The following ARFGEF1 variants were observed in gnomAD, a reference collection of about 807,000 sequenced individuals.
The protein encoded by ARFGEF1 is ARF guanine nucleotide exchange factor 1.
Under a neutral mutation model 231.0 loss-of-function variants are expected in ARFGEF1, and 42 were observed. The observed-to-expected ratio is 0.18, with a 90% CI of 0.14 to 0.24. The LOEUF (loss-of-function observed/expected upper bound fraction) is 0.24, where lower values mean the gene tolerates loss of function less well. Ranked by LOEUF, ARFGEF1 falls within the 10% of genes least tolerant of loss-of-function variation. ARFGEF1 has a pLI of 1.00. For missense variants in ARFGEF1, 1,345 were observed against 2,192.0 expected (o/e 0.61, Z 7.72); for synonymous variants, 710 against 732.3 (o/e 0.97, Z 0.49).
chr8:67,184,947 A>C (rs1197725567), intron 5 of ARFGEF1, among the ~76,000 whole-genome samples: 1 of 123,342 alleles, frequency 8.1e-6, no homozygotes, highest in Non-Finnish European at 1.6e-5. Flanking sequence ...AAAATACAAA[A>C]AAAAAAAAAA....
At chr8:67,277,551 G>A in intron 7 of ARFGEF1, 94 bp from the exon 8 acceptor site, 10 of 1,194,612 alleles carry the variant, frequency 8.4e-6, no homozygotes, top group Non-Finnish European at 1.2e-5. Context: ...ACAGTGGCAG[G>A]AAAGCAATGT....
At chr8:67,269,461 T>G (rs1220451110) in intron 10 of ARFGEF1, among the ~76,000 whole-genome samples, 2 of 151,538 alleles carry the variant, frequency 1.3e-5, no homozygotes, top group Non-Finnish European at 2.9e-5. Context: ...CAAGCGATTG[T>G]CCTGCCTCTG....
At chr8:67,322,169 AC>A (rs759338379) in intron 1 of ARFGEF1, among the ~76,000 whole-genome samples, 37 of 151,732 alleles carry the variant, frequency 2.4e-4, no homozygotes, top group Admixed American at 1.2e-3. Context: ...CCCAACTAAA[AC>A]CCCTTTCAGT....
At chr8:67,317,984 T>A (rs1201670170) in intron 1 of ARFGEF1, among the ~76,000 whole-genome samples, 1 of 151,134 alleles carries the variant, frequency 6.6e-6, no homozygotes, top group African/African-American at 2.4e-5. Flanking sequence ...ACACCTGTAA[T>A]TCCAGCACTT....
rs567094878 is a variant in ARFGEF1, at chr8:67,263,927, T to C, written c.2123+2079A>G. Among the ~76,000 whole-genome samples the C allele has an allele frequency of 2.3e-4, 35 of 151,790 alleles. No homozygotes were observed. In the South Asian group the frequency reaches 3.7e-3, roughly 16 times the overall value. ...GAACAATTATATCTTTTATAAACAA[T>C]AAGAAAAAACATGCAAGAGAGGAAG... On this transcript the variant is annotated intron_variant, in intron 14 of 38. Coordinates refer to ENST00000262215, the MANE Select transcript of ARFGEF1 (RefSeq NM_006421.5).
At chr8:67,193,149 C>G (rs549510847), downstream of ARFGEF1, among the ~76,000 whole-genome samples, 1 of 152,118 alleles carries the variant, frequency 6.6e-6, no homozygotes, top group South Asian at 2.1e-4. Flanking sequence ...GAGATAGAGT[C>G]TCTGTCTCCC....
chr8:67,262,863 G>A (rs1804692624), intron 14 of ARFGEF1, among the ~76,000 whole-genome samples: 1 of 152,032 alleles, frequency 6.6e-6, no homozygotes. Flanking sequence ...ATAGACTATG[G>A]TACAGTATAA....
chr8:67,277,218 G>A, intron 8 of ARFGEF1, 64 bp downstream of exon 8: 1 of 1,507,064 alleles, frequency 6.6e-7, no homozygotes, highest in Non-Finnish European at 9.1e-7. Flanking sequence ...TGACAAGGTG[G>A]TGGTAGCCTA....
At chr8:67,225,153 A>T (rs932246723) in intron 28 of ARFGEF1, 120 bp from the exon 29 acceptor site, 208 of 957,248 alleles carry the variant, frequency 2.2e-4, no homozygotes, top group Non-Finnish European at 2.1e-4. Context: ...TTTAATAAAA[A>T]ATAATTTATA....
chr8:67,184,766 A>T (rs1834008392), intron 5 of ARFGEF1, among the ~76,000 whole-genome samples: 1 of 147,958 alleles, frequency 6.8e-6, no homozygotes, highest in Non-Finnish European at 1.5e-5. Flanking sequence ...AATAATAATA[A>T]TAAAGGTTGG....
intron 14 of ARFGEF1, among the ~76,000 whole-genome samples, chr8:67,265,789 C>A (rs999082120): frequency 2.0e-5 from 3 of 151,868 alleles, no homozygotes; most frequent in Non-Finnish European, 4.4e-5. Context: ...AATATGGTGA[C>A]AAATTAATTT....
At chr8:67,332,951 T>C (rs1808167570) in intron 1 of ARFGEF1, among the ~76,000 whole-genome samples, 1 of 152,212 alleles carries the variant, frequency 6.6e-6, no homozygotes. Context: ...CAATGAAGTA[T>C]TTAATTGGCA....
Position 67,293,572 on chromosome 8 carries a change from A to G in ARFGEF1, c.640-1449T>C, listed in dbSNP as rs146314892. 5.3e-5 allele frequency among the ~76,000 whole-genome samples: 8 copies of G among 152,314 alleles called. No homozygotes were observed. In the East Asian group the frequency reaches 9.6e-4, roughly 18 times the overall value. On this transcript the variant is annotated intron_variant, in intron 5 of 38. Coordinates refer to ENST00000262215, the MANE Select transcript of ARFGEF1 (RefSeq NM_006421.5). ...TATATCCTAAAGTACTATCATCTAT[A>G]AAAAAGAATGAGGAAGGTCTTTAAG...
chr8:67,244,314 TTG>T (rs1292336727), intron 19 of ARFGEF1, among the ~76,000 whole-genome samples: 21 of 74,042 alleles, frequency 2.8e-4, no homozygotes, highest in African/African-American at 1.1e-3. Context: ...GTTGTTGTTG[TTG>T]TTTTTTTTTT....
chr8:67,215,439 A>T (rs1182178522), intron 33 of ARFGEF1, among the ~76,000 whole-genome samples: 1 of 152,196 alleles, frequency 6.6e-6, no homozygotes, highest in Non-Finnish European at 1.5e-5. Flanking sequence ...ATACCTGCAA[A>T]TGTTACCTTA....
Position 67,198,463 on chromosome 8 carries a change from GAAT to G in ARFGEF1, c.*468_*470del, listed in dbSNP as rs1838191675. The G allele has an allele frequency of 2.0e-6, 2 of 987,208 alleles. No individual in the cohort carries two copies. The highest frequency in any genetic ancestry group is 2.4e-6 in the Non-Finnish European group (2 of 831,104). The allele number at this position is 987,208 out of a possible 1,614,324, so 61.2% of individuals were successfully genotyped here. On this transcript the variant is annotated 3_prime_UTR_variant, in exon 39 of 39. Coordinates refer to ENST00000262215, the MANE Select transcript of ARFGEF1 (RefSeq NM_006421.5). ...TAGCCTGAGTGTGCAAAAATCTTCA[GAAT>G]AAGAATACCATAGTTGCTAAATATC...
intron 1 of ARFGEF1, among the ~76,000 whole-genome samples, chr8:67,307,059 G>A (rs1050504028): frequency 6.6e-6 from 1 of 152,212 alleles, no homozygotes; most frequent in Non-Finnish European, 1.5e-5. Context: ...GATTACAGGC[G>A]TGAGCCACCA....
chr8:67,270,463 T>C (rs1169532945), intron 10 of ARFGEF1, among the ~76,000 whole-genome samples: 1 of 152,136 alleles, frequency 6.6e-6, no homozygotes, highest in Non-Finnish European at 1.5e-5. Flanking sequence ...GCTAGTGAAT[T>C]ATGAGTCTTG....
At chr8:67,271,977 G>T in intron 9 of ARFGEF1, 41 bp from the exon 10 acceptor site, 3 of 1,274,974 alleles carry the variant, frequency 2.4e-6, no homozygotes, top group Non-Finnish European at 3.3e-6. Context: ...GAACAAGGTT[G>T]GCATTATAGT....
Sources: gnomAD v4.1 joint callset for allele counts (sites outside exome capture counted in the v4.1 genomes callset) on GRCh38, gnomAD v4.1.1 for gene constraint, MANE v1.5 for transcripts, NCBI Gene and HGNC (gene_info 2026-07-23, HGNC 2026-07-21) for gene names.